Variants in MED12L observed in about 807,000 individuals in gnomAD.
MED12L encodes the protein mediator complex subunit 12L.
MED12L carries 60 observed loss-of-function variants against 281.3 expected under a neutral mutation model. The ratio of observed to expected loss-of-function variants is 0.21; its 90% confidence interval spans 0.17 to 0.26. The LOEUF (loss-of-function observed/expected upper bound fraction) is 0.26. Ranked by LOEUF, MED12L falls within the 10% of genes least tolerant of loss-of-function variation. The pLI, the probability that MED12L is intolerant of heterozygous loss-of-function variation, is 1.00. For missense variants in MED12L, 2,146 were observed against 2,680.9 expected (o/e 0.80, Z 4.41); for synonymous variants, 974 against 987.2 (o/e 0.99, Z 0.25).
chr3:151,230,475 C>T (rs149699392), intron 16 of MED12L, among the ~76,000 whole-genome samples: 169 of 152,222 alleles, frequency 1.1e-3, no homozygotes, highest in African/African-American at 3.8e-3. Context: ...TTCTGATAAA[C>T]ACTCCTTTCT....
intron 16 of MED12L, among the ~76,000 whole-genome samples, chr3:151,311,648 A>T (rs1423561432): frequency 6.6e-6 from 1 of 152,192 alleles, no homozygotes; most frequent in African/African-American, 2.4e-5. Flanking sequence ...AGCTGCGATT[A>T]TTTAAGGATT....
chr3:151,185,068 T>C (rs533524523), intron 11 of MED12L, among the ~76,000 whole-genome samples: 1 of 152,266 alleles, frequency 6.6e-6, no homozygotes, highest in East Asian at 1.9e-4. Context: ...CTAGGTTATG[T>C]CCCTGTGTAA....
At chr3:151,374,413 T>C (rs1437622034) in intron 27 of MED12L, among the ~76,000 whole-genome samples, 1 of 152,054 alleles carries the variant, frequency 6.6e-6, no homozygotes, top group African/African-American at 2.4e-5. Context: ...CCAGGTGTGG[T>C]GGCACATGCC....
Position 151,360,498 on chromosome 3 carries a change from C to T in MED12L, c.2850C>T (p.Val950=), listed in dbSNP as rs1414556302. The T allele has an allele frequency of 1.9e-5, 31 of 1,612,544 alleles. No individual in the cohort carries two copies. The highest frequency in any genetic ancestry group is 1.6e-4 in the Middle Eastern group (1 of 6,070). Residue 950 remains valine (V), a synonymous_variant, in exon 21 of 45, where the codon GTC becomes GTT. Coordinates refer to ENST00000687756, the MANE Select transcript of MED12L (RefSeq NM_001393769.1). Reference sequence around the variant, plus strand: ...GGTTGTGTGGTGTGGTCAAGCATGTCGTAAACCCCTCAGAATGTTCTTCCC... The same window carrying T: ...GGTTGTGTGGTGTGGTCAAGCATGTTGTAAACCCCTCAGAATGTTCTTCCC... ...FEGLCGVVKH[V]VNPSECSSPE... is the part of the protein sequence containing the mutation.
At chr3:151,368,556 A>G (rs1249318348) in intron 25 of MED12L, among the ~76,000 whole-genome samples, 1 of 150,972 alleles carries the variant, frequency 6.6e-6, no homozygotes, top group East Asian at 1.9e-4. Flanking sequence ...TTGGTTCTGA[A>G]CCACATCACA....
At chr3:151,393,512 C>A (rs186944837) in intron 38 of MED12L, among the ~76,000 whole-genome samples, 1 of 151,470 alleles carries the variant, frequency 6.6e-6, no homozygotes, top group Non-Finnish European at 1.5e-5. Flanking sequence ...CACAACCCCC[C>A]CTCCCACCGT....
chr3:151,213,936 A>C (rs1228835546), intron 16 of MED12L: 3 of 1,614,056 alleles, frequency 1.9e-6, no homozygotes, highest in Non-Finnish European at 1.7e-6. Context: ...AAGAAGTCCA[A>C]AGAGGCTTTA....
At position 151,086,838 on chromosome 3, in the gene MED12L, G is replaced by T; in HGVS notation, c.-89G>T. The T allele has an allele frequency of 1.0e-6, 1 of 1,000,388 alleles. No individual in the cohort carries two copies. Among genetic ancestry groups the T allele is most frequent in the East Asian group, 2.8e-5 (1 of 36,020 alleles). 62.0% of individuals were successfully genotyped at this position (1,000,388 alleles called of 1,614,324 possible). The stretch of plus-strand genomic sequence containing the variant: ...GCGAGCGAGGAGGGGGAGAGAGGGA[G>T]TCTGTCTGCAAAGTGCTGCTCCCTG... On this transcript the variant is annotated 5_prime_UTR_variant, in exon 2 of 45. Transcript: ENST00000687756.
chr3:151,098,362 A>C (rs1720988209), intron 2 of MED12L, among the ~76,000 whole-genome samples: 1 of 152,200 alleles, frequency 6.6e-6, no homozygotes, highest in Admixed American at 6.5e-5. Context: ...TGCCATAACA[A>C]ATGACTACAA....
At chr3:151,394,565 C>A in intron 38 of MED12L, 91 bp from the exon 39 acceptor site, 1 of 1,568,452 alleles carries the variant, frequency 6.4e-7, no homozygotes, top group Non-Finnish European at 8.6e-7. Flanking sequence ...TAAAGTGAGA[C>A]TTAGAAGGTG....
At chr3:151,089,037 A>G (rs1719667274) in intron 2 of MED12L, among the ~76,000 whole-genome samples, 1 of 152,124 alleles carries the variant, frequency 6.6e-6, no homozygotes, top group African/African-American at 2.4e-5. Flanking sequence ...AGCTTTAGTT[A>G]TTTATGTCCT....
chr3:151,137,885 T>C (rs1716380134), intron 5 of MED12L, among the ~76,000 whole-genome samples: 1 of 152,170 alleles, frequency 6.6e-6, no homozygotes, highest in South Asian at 2.1e-4. Flanking sequence ...CAGTTTGTTT[T>C]CCATTTTAGG....
chr3:151,261,253 C>T (rs887703199), intron 16 of MED12L: 1 of 151,768 alleles, frequency 6.6e-6, no homozygotes, highest in Non-Finnish European at 1.5e-5. Context: ...CAAAAAAAAA[C>T]CCCAAAAGGC....
chr3:151,343,382 G>T (rs1294084760), intron 16 of MED12L, among the ~76,000 whole-genome samples: 1 of 152,136 alleles, frequency 6.6e-6, no homozygotes, highest in Admixed American at 6.6e-5. Flanking sequence ...TAAAAGAAGG[G>T]CTTCAGTTCT....
intron 5 of MED12L, among the ~76,000 whole-genome samples, chr3:151,151,913 T>C (rs1368359779): frequency 6.6e-6 from 1 of 152,004 alleles, no homozygotes; most frequent in Admixed American, 6.6e-5. Context: ...CAAAGTGCAA[T>C]AAAATGAAGT....
intron 5 of MED12L, among the ~76,000 whole-genome samples, chr3:151,149,312 T>C (rs1718151580): frequency 6.6e-6 from 1 of 152,228 alleles, no homozygotes; most frequent in African/African-American, 2.4e-5. Context: ...AGAGATATTA[T>C]GGGTTCCAGA....
intron 16 of MED12L, chr3:151,198,659 C>G: frequency 6.2e-7 from 1 of 1,613,976 alleles, no homozygotes; most frequent in Non-Finnish European, 8.5e-7. Context: ...ATACGGGATT[C>G]GGACAATGTG....
At chr3:151,086,628 G>A (rs2148583894) in intron 1 of MED12L, 170 bp from the exon 2 acceptor site, 1 of 271,208 alleles carries the variant, frequency 3.7e-6, no homozygotes, top group Non-Finnish European at 7.0e-6. Context: ...AGAGGAGGCA[G>A]GCGCCGCGGA....
At chr3:151,386,002 G>A (rs1399304526) in intron 36 of MED12L, among the ~76,000 whole-genome samples, 1 of 152,128 alleles carries the variant, frequency 6.6e-6, no homozygotes, top group African/African-American at 2.4e-5. Context: ...TGTGTGACAT[G>A]GTACAGAGAG....
Sources: gnomAD v4.1 joint callset for allele counts (sites outside exome capture counted in the v4.1 genomes callset) on GRCh38, gnomAD v4.1.1 for gene constraint, MANE v1.5 for transcripts, NCBI Gene and HGNC (gene_info 2026-07-23, HGNC 2026-07-21) for gene names.